FANCA: variants seen among roughly 807,000 people sequenced by gnomAD.
FANCA encodes the protein Fanconi anemia group A protein.
A neutral mutation model predicts 194.3 loss-of-function variants in FANCA; 236 were observed. That is an observed-to-expected ratio of 1.21 (90% CI 1.09 to 1.35). The LOEUF (loss-of-function observed/expected upper bound fraction) is 1.35, where lower values mean the gene tolerates loss of function less well. FANCA is among the 40% of genes most tolerant of loss of function. The pLI is 0.00. For synonymous variants in FANCA, 1,014 were observed against 715.8 expected (o/e 1.42, Z -6.65); for missense variants, 2,628 against 1,813.9 (o/e 1.45, Z -8.15).
chr16:89,783,330 C>T (rs1248091716), intron 15 of FANCA, among the ~76,000 whole-genome samples: 1 of 151,978 alleles, frequency 6.6e-6, no homozygotes, highest in Non-Finnish European at 1.5e-5. Context: ...GCGGGCAGAT[C>T]ACGAGGTCAG....
At chr16:89,806,556 C>G (rs928783329) in intron 6 of FANCA, among the ~76,000 whole-genome samples, 7 of 151,674 alleles carry the variant, frequency 4.6e-5, no homozygotes, top group South Asian at 2.1e-4. Context: ...TGACTCTTAA[C>G]GAGCATGCTG....
At chr16:89,770,396 A>T in intron 24 of FANCA, 137 bp from the exon 25 acceptor site, 1 of 1,032,104 alleles carries the variant, frequency 9.7e-7, no homozygotes, top group Non-Finnish European at 1.5e-6. Flanking sequence ...AAGACAACCC[A>T]TCTTCTGCAG....
chr16:89,793,602 G>T (rs2040150184), intron 11 of FANCA, among the ~76,000 whole-genome samples: 1 of 152,042 alleles, frequency 6.6e-6, no homozygotes, highest in South Asian at 2.1e-4. Flanking sequence ...GCCGCCCACA[G>T]GTTTTGTTTT....
chr16:89,779,633 T>C (rs1347482921), intron 18 of FANCA, among the ~76,000 whole-genome samples: 2 of 152,124 alleles, frequency 1.3e-5, no homozygotes, highest in Non-Finnish European at 2.9e-5. Context: ...AACGGCAGGA[T>C]CCTCGATTCA....
At chr16:89,798,802 G>A in intron 10 of FANCA, 1 of 1,436,634 alleles carries the variant, frequency 7.0e-7, no homozygotes, top group Non-Finnish European at 9.1e-7. Context: ...AATGTGGGGG[G>A]CTGAGAGGCA....
At chr16:89,774,601 G>A (rs2039432287) in intron 21 of FANCA, among the ~76,000 whole-genome samples, 1 of 151,704 alleles carries the variant, frequency 6.6e-6, no homozygotes, top group African/African-American at 2.4e-5. Context: ...GTGGTGGCGG[G>A]CGCCTGTAGT....
chr16:89,760,580 A>G (rs933959655), intron 29 of FANCA, among the ~76,000 whole-genome samples: 5 of 152,126 alleles, frequency 3.3e-5, no homozygotes, highest in Middle Eastern at 3.2e-3. Context: ...CCTCCACCCT[A>G]AACTCCACAC....
Position 89,773,401 on chromosome 16 carries a change from G to T in FANCA, c.1901-17C>A, listed in dbSNP as rs373785724. The T allele has an allele frequency of 6.6e-7, 1 of 1,518,560 alleles. No individual in the cohort carries two copies. The highest frequency in any genetic ancestry group is 1.2e-5 in the South Asian group (1 of 83,428). 94.1% of individuals were successfully genotyped at this position (1,518,560 alleles called of 1,614,324 possible). ...GGGCTGCATCTGTGAGAAGAAGGAA[G>T]AAACCAGATGGAAAGACACTCAACA... On this transcript the variant is annotated splice_polypyrimidine_tract_variant and intron_variant, in intron 21 of 42. Transcript: ENST00000389301.
At chr16:89,791,300 T>C (rs1374603947) in intron 14 of FANCA, 103 bp downstream of exon 14, 3 of 1,471,044 alleles carry the variant, frequency 2.0e-6, no homozygotes, top group African/African-American at 2.8e-5. Context: ...ACAGCAAGGT[T>C]GCTCACTCAC....
At chr16:89,749,600 G>T in intron 32 of FANCA, 130 bp downstream of exon 32, 1 of 1,174,086 alleles carries the variant, frequency 8.5e-7, no homozygotes, top group Non-Finnish European at 1.2e-6. Context: ...GAAATGGACA[G>T]GCTTGGGGTG....
At chr16:89,795,183 G>T (rs2040201117) in intron 11 of FANCA, among the ~76,000 whole-genome samples, 1 of 151,658 alleles carries the variant, frequency 6.6e-6, no homozygotes, top group South Asian at 2.1e-4. Context: ...TACTGTGGAG[G>T]CTGAGGCAGG....
chr16:89,809,618 G>A (rs1181018750), intron 5 of FANCA, among the ~76,000 whole-genome samples: 26 of 152,040 alleles, frequency 1.7e-4, no homozygotes, highest in Admixed American at 1.7e-3. Flanking sequence ...GGGAGGCCGA[G>A]GTGGGCAGAT....
chr16:89,800,769 G>A (rs889696532), intron 8 of FANCA, among the ~76,000 whole-genome samples: 8 of 152,190 alleles, frequency 5.3e-5, no homozygotes, highest in African/African-American at 1.4e-4. Context: ...TGTGGCCCAC[G>A]CCTGTAATCC....
chr16:89,785,405 TC>T (rs994192613), intron 14 of FANCA, among the ~76,000 whole-genome samples: 5 of 152,206 alleles, frequency 3.3e-5, no homozygotes, highest in Non-Finnish European at 5.9e-5. Context: ...TGAAGCCACT[TC>T]TGAACACACT....
chr16:89,811,944 C>G (rs1017011669), intron 3 of FANCA, among the ~76,000 whole-genome samples: 2 of 151,134 alleles, frequency 1.3e-5, no homozygotes, highest in Non-Finnish European at 3.0e-5. Flanking sequence ...GTTGGCTAGG[C>G]TCGTCTCCAA....
chr16:89,792,361 C>A, intron 12 of FANCA, 110 bp downstream of exon 12: 1 of 1,193,640 alleles, frequency 8.4e-7, no homozygotes, highest in Non-Finnish European at 1.2e-6. Context: ...CACCAGACAT[C>A]CCTGAACCTC....
At chr16:89,816,374 G>A in intron 1 of FANCA, 163 bp downstream of exon 1, 6 of 447,054 alleles carry the variant, frequency 1.3e-5, no homozygotes, top group Non-Finnish European at 1.7e-5. Flanking sequence ...CCGGGTCCGA[G>A]GCAGCCGCGC....
intron 30 of FANCA, among the ~76,000 whole-genome samples, chr16:89,755,840 C>G (rs1293292394): frequency 6.6e-6 from 1 of 152,062 alleles, no homozygotes; most frequent in Non-Finnish European, 1.5e-5. Context: ...CCCCCGCACA[C>G]CTAGGCCACA....
At chr16:89,814,395 C>G (rs1412671836) in intron 3 of FANCA, 125 bp downstream of exon 3, 3 of 680,338 alleles carry the variant, frequency 4.4e-6, no homozygotes, top group Non-Finnish European at 2.5e-6. Context: ...GAATTTGCGA[C>G]TACACACACC....
Sources: gnomAD v4.1 joint callset for allele counts (sites outside exome capture counted in the v4.1 genomes callset) on GRCh38, gnomAD v4.1.1 for gene constraint, MANE v1.5 for transcripts, NCBI Gene and HGNC (gene_info 2026-07-23, HGNC 2026-07-21) for gene names.